The following MACROH2A1 variants were observed in gnomAD, a reference collection of about 807,000 sequenced individuals.
The protein encoded by MACROH2A1 is core histone macro-H2A.1.
MACROH2A1 carries 2 observed loss-of-function variants against 31.6 expected under a neutral mutation model. The ratio of observed to expected loss-of-function variants is 0.06; its 90% CI spans 0.03 to 0.20. The LOEUF (loss-of-function observed/expected upper bound fraction) is 0.20, where lower values mean the gene tolerates loss of function less well. Ranked by LOEUF, MACROH2A1 falls within the 10% of genes least tolerant of loss-of-function variation. MACROH2A1 has a pLI of 1.00. For synonymous variants in MACROH2A1, 169 were observed against 189.6 expected (o/e 0.89, Z 0.89); for missense variants, 230 against 474.0 (o/e 0.49, Z 4.78).
At chr5:135,385,406 A>G (rs1158361064) in intron 2 of MACROH2A1, among the ~76,000 whole-genome samples, 1 of 152,194 alleles carries the variant, frequency 6.6e-6, no homozygotes, top group Non-Finnish European at 1.5e-5. Context: ...TCTGGACAGG[A>G]AGCCCTTTGG....
intron 8 of MACROH2A1, chr5:135,337,824 G>A (rs1759045732): frequency 2.5e-6 from 1 of 407,064 alleles, no homozygotes; most frequent in Non-Finnish European, 3.4e-6. Flanking sequence ...GGTTCCACCG[G>A]AATGTCCCTG....
intron 7 of MACROH2A1, chr5:135,344,913 G>A (rs1581154105): frequency 6.6e-6 from 1 of 152,230 alleles, no homozygotes; most frequent in East Asian, 1.9e-4. Flanking sequence ...CTACCAGCAG[G>A]ACTCAAGCTG....
intron 5 of MACROH2A1, chr5:135,359,235 CA>C (rs748057849): frequency 1.0e-5 from 10 of 985,192 alleles, no homozygotes; most frequent in Non-Finnish European, 1.2e-5. Context: ...AAGGTGACCC[CA>C]AGGGCTGAAC....
Position 135,346,073 on chromosome 5 carries a change from G to A in MACROH2A1, c.689-16C>T, listed in dbSNP as rs377698309. On this transcript the variant is annotated splice_polypyrimidine_tract_variant and intron_variant, in intron 6 of 8. Transcript: ENST00000511689. The stretch of plus-strand genomic sequence containing the variant: ...AGCGTGTTTCCTAGACAAGGACAGG[G>A]TGGGGTCAGGTTGCCATTCTGTGTC... 2.6e-6 allele frequency: 4 copies of A among 1,565,086 alleles called. No homozygotes were observed. In the African/African-American group the frequency reaches 5.4e-5, roughly 21 times the overall value.
intron 2 of MACROH2A1, among the ~76,000 whole-genome samples, chr5:135,377,316 C>T (rs1373205426): frequency 6.6e-6 from 1 of 152,206 alleles, no homozygotes; most frequent in Non-Finnish European, 1.5e-5. Flanking sequence ...AATTAAGTTA[C>T]AAGGAAATGG....
chr5:135,379,989 C>T (rs934120298), intron 2 of MACROH2A1, among the ~76,000 whole-genome samples: 1 of 152,162 alleles, frequency 6.6e-6, no homozygotes, highest in Non-Finnish European at 1.5e-5. Flanking sequence ...TGCTGCATAC[C>T]TCCCCTCACA....
chr5:135,356,798 TTC>T (rs1157300448), intron 5 of MACROH2A1: 1 of 152,176 alleles, frequency 6.6e-6, no homozygotes, highest in Non-Finnish European at 1.5e-5. Flanking sequence ...TCCTTCTTGG[TTC>T]TTTTAAAAAA....
intron 6 of MACROH2A1, chr5:135,346,721 T>G (rs2149752360): frequency 6.6e-6 from 1 of 152,388 alleles, no homozygotes; most frequent in African/African-American, 2.4e-5. Context: ...AAGCAGAGCT[T>G]AAAGATTAAT....
chr5:135,344,529 G>T (rs1045455774), intron 7 of MACROH2A1: 1 of 152,174 alleles, frequency 6.6e-6, no homozygotes, highest in Non-Finnish European at 1.5e-5. Context: ...TCTGCTTTGT[G>T]ACTGGGCTTG....
intron 5 of MACROH2A1, chr5:135,354,247 T>C (rs1470946885): frequency 6.6e-6 from 1 of 152,248 alleles, no homozygotes; most frequent in Non-Finnish European, 1.5e-5. Flanking sequence ...GCTGCATTTC[T>C]AGGGCCAAAC....
intron 6 of MACROH2A1, chr5:135,346,946 CA>C (rs1377016169): frequency 6.6e-6 from 1 of 152,344 alleles, no homozygotes; most frequent in East Asian, 1.9e-4. Context: ...AAGTGGCAAT[CA>C]AAGTTAGCAA....
chr5:135,393,142 T>C lies in MACROH2A1; in HGVS notation c.-33-4016A>G, dbSNP rs73294545. 5.9e-3 allele frequency among the ~76,000 whole-genome samples: 906 copies of C among 152,332 alleles called. 10 individuals carry two copies. Among genetic ancestry groups the C allele is most frequent in the African/African-American group, 0.02 (844 of 41,578 alleles). The stretch of plus-strand genomic sequence containing the variant: ...GATTGGCTGGTGTTTCTTGTCCACA[T>C]AGTGATTCATGGATCCAGATGCCTC... On this transcript the variant is annotated intron_variant, in intron 1 of 8. Transcript: ENST00000511689.
At chr5:135,386,730 C>T (rs1408355113) in intron 2 of MACROH2A1, among the ~76,000 whole-genome samples, 1 of 152,190 alleles carries the variant, frequency 6.6e-6, no homozygotes, top group Non-Finnish European at 1.5e-5. Flanking sequence ...TATGCCCAGA[C>T]CAGGAAAACA....
intron 4 of MACROH2A1, among the ~76,000 whole-genome samples, chr5:135,363,154 AG>A (rs1763055914): frequency 6.6e-6 from 1 of 152,088 alleles, no homozygotes. Context: ...GGAGGATGCC[AG>A]CCTGGGCAAC....
intron 4 of MACROH2A1, chr5:135,360,883 A>T (rs1762764455): frequency 1.7e-6 from 1 of 583,002 alleles, no homozygotes; most frequent in Non-Finnish European, 3.1e-6. Context: ...TTAGAATAGA[A>T]CCATTTTCAT....
chr5:135,367,261 C>T (rs764592622), intron 4 of MACROH2A1, among the ~76,000 whole-genome samples: 8 of 152,176 alleles, frequency 5.3e-5, no homozygotes, highest in Non-Finnish European at 8.8e-5. Context: ...TAGCTGTTCA[C>T]GGTTCCAATT....
chr5:135,377,568 G>C (rs536845426), intron 2 of MACROH2A1, among the ~76,000 whole-genome samples: 1 of 152,192 alleles, frequency 6.6e-6, no homozygotes, highest in Non-Finnish European at 1.5e-5. Context: ...AGGAGGCGAC[G>C]TCTGCAATCG....
chr5:135,351,587 T>C (rs1761574863), intron 6 of MACROH2A1: 1 of 127,634 alleles, frequency 7.8e-6, no homozygotes, highest in African/African-American at 2.9e-5. Flanking sequence ...TTTTTACAGA[T>C]AGGATCTTGC....
intron 7 of MACROH2A1, 82 bp from the exon 8 acceptor site, chr5:135,343,516 T>A (rs780855589): frequency 6.4e-7 from 1 of 1,572,986 alleles, no homozygotes; most frequent in African/African-American, 1.3e-5. Flanking sequence ...CCCACTCCCC[T>A]GCCACGGTAT....
Sources: gnomAD v4.1 joint callset for allele counts (sites outside exome capture counted in the v4.1 genomes callset) on GRCh38, gnomAD v4.1.1 for gene constraint, MANE v1.5 for transcripts, NCBI Gene and HGNC (gene_info 2026-07-23, HGNC 2026-07-21) for gene names.